Variants in PDZD2 observed in about 807,000 individuals in gnomAD.
The protein encoded by PDZD2 is PDZ domain containing 2, also known as PDZ domain-containing protein 2.
In PDZD2, 90 loss-of-function variants were observed where a neutral mutation model predicts 220.7. The observed-to-expected ratio is 0.41, with a 90% CI of 0.34 to 0.49. The LOEUF is 0.49. Among genes scored for constraint, PDZD2 ranks in the 20% least tolerant of loss-of-function variants. The pLI, the probability that PDZD2 is intolerant of heterozygous loss-of-function variation, is 0.28. For missense variants in PDZD2, 3,174 were observed against 3,608.5 expected (o/e 0.88, Z 3.08); for synonymous variants, 1,375 against 1,450.5 (o/e 0.95, Z 1.18).
intron 2 of PDZD2, among the ~76,000 whole-genome samples, chr5:31,816,953 G>A (rs950362864): frequency 2.0e-5 from 3 of 152,152 alleles, no homozygotes; most frequent in African/African-American, 7.2e-5. Flanking sequence ...GGAGGCCGAG[G>A]CAGACGGATC....
At chr5:31,770,520 G>T (rs1446768935) in intron 1 of PDZD2, among the ~76,000 whole-genome samples, 3 of 152,278 alleles carry the variant, frequency 2.0e-5, no homozygotes, top group African/African-American at 7.2e-5. Flanking sequence ...CAGTTCATTG[G>T]CTGCCATTGG....
intron 1 of PDZD2, among the ~76,000 whole-genome samples, chr5:31,708,801 A>G (rs1426517084): frequency 1.3e-5 from 2 of 152,002 alleles, no homozygotes; most frequent in Non-Finnish European, 2.9e-5. Flanking sequence ...CTGATAACCC[A>G]TTAAGGGAAG....
intron 2 of PDZD2, among the ~76,000 whole-genome samples, chr5:31,872,550 C>T (rs1465723918): frequency 6.6e-6 from 1 of 152,126 alleles, no homozygotes; most frequent in African/African-American, 2.4e-5. Flanking sequence ...TATGTTTAGA[C>T]CCACTGTGTC....
At chr5:32,096,408 G>A (rs987116888) in intron 21 of PDZD2, among the ~76,000 whole-genome samples, 11 of 151,806 alleles carry the variant, frequency 7.2e-5, no homozygotes, top group African/African-American at 2.2e-4. Context: ...ACCTCTGCCC[G>A]CTGGGTTCAA....
At chr5:31,794,654 G>T (rs6866048) in intron 1 of PDZD2, among the ~76,000 whole-genome samples, 1 of 151,992 alleles carries the variant, frequency 6.6e-6, no homozygotes, top group Non-Finnish European at 1.5e-5. Context: ...TGATCTGCCC[G>T]CCTGGGCCTC....
chr5:32,054,470 C>T (rs917872450), intron 10 of PDZD2, among the ~76,000 whole-genome samples: 28 of 151,582 alleles, frequency 1.8e-4, no homozygotes, highest in African/African-American at 6.5e-4. Context: ...ACTATAGGTG[C>T]ACACCGTCAT....
At chr5:31,714,952 G>A (rs1468263401) in intron 1 of PDZD2, among the ~76,000 whole-genome samples, 2 of 151,748 alleles carry the variant, frequency 1.3e-5, no homozygotes, top group Non-Finnish European at 2.9e-5. Flanking sequence ...TCAGCTACTC[G>A]GGAGGCTGAG....
intron 6 of PDZD2, among the ~76,000 whole-genome samples, chr5:32,017,113 TC>T (rs1200919835): frequency 6.6e-6 from 1 of 152,158 alleles, no homozygotes; most frequent in Admixed American, 6.6e-5. Flanking sequence ...TTGGTCGCCT[TC>T]CACTGTCTTG....
chr5:31,910,325 T>C (rs1286940602), intron 2 of PDZD2, among the ~76,000 whole-genome samples: 1 of 149,298 alleles, frequency 6.7e-6, no homozygotes, highest in East Asian at 2.0e-4. Flanking sequence ...GTTCAAGCGA[T>C]TCTCATGACT....
chr5:31,960,967 C>T (rs1477770578), intron 2 of PDZD2, among the ~76,000 whole-genome samples: 1 of 151,884 alleles, frequency 6.6e-6, no homozygotes, highest in Non-Finnish European at 1.5e-5. Flanking sequence ...TGCTTTGTAC[C>T]AGCACTGAGC....
chr5:31,868,167 C>T (rs530032717), intron 2 of PDZD2, among the ~76,000 whole-genome samples: 24 of 152,214 alleles, frequency 1.6e-4, no homozygotes, highest in African/African-American at 5.3e-4. Context: ...AGCTGTTGGC[C>T]GGGCGCGGTG....
intron 1 of PDZD2, among the ~76,000 whole-genome samples, chr5:31,651,737 T>G (rs1745357717): frequency 6.6e-6 from 1 of 152,154 alleles, no homozygotes; most frequent in Non-Finnish European, 1.5e-5. Context: ...GCTCAAGTGA[T>G]TCTCCCACCT....
chr5:31,880,077 G>A (rs545251371), intron 2 of PDZD2, among the ~76,000 whole-genome samples: 105 of 151,550 alleles, frequency 6.9e-4, no homozygotes, highest in African/African-American at 2.4e-3. Context: ...CCACCACCAC[G>A]CCTGGCTACT....
chr5:31,822,828 G>T, intron 2 of PDZD2: 1 of 820,882 alleles, frequency 1.2e-6, no homozygotes. Context: ...CCTGGATAAT[G>T]ATGTTGATGG....
intron 1 of PDZD2, among the ~76,000 whole-genome samples, chr5:31,703,103 C>G (rs1418471324): frequency 1.3e-5 from 2 of 152,356 alleles, no homozygotes; most frequent in Non-Finnish European, 1.5e-5. Flanking sequence ...GCTTCATGCT[C>G]TCTGAATGGG....
At chr5:32,025,280 C>A (rs1581309713) in intron 6 of PDZD2, among the ~76,000 whole-genome samples, 1 of 152,112 alleles carries the variant, frequency 6.6e-6, no homozygotes, top group East Asian at 1.9e-4. Context: ...AATCCCAGCA[C>A]TTTGGGAGGC....
intron 2 of PDZD2, among the ~76,000 whole-genome samples, chr5:31,880,798 T>TCTTTTTG (rs55945817): frequency 2.0e-5 from 2 of 102,218 alleles, no homozygotes; most frequent in Non-Finnish European, 3.7e-5. Context: ...TTTCTTTTTT[T>TCTTTTTG]TTTTTTTTTT....
chr5:32,053,853 T>G lies in PDZD2; in HGVS notation c.1870T>G (p.Ser624Ala), dbSNP rs982635109. 1 of 1,609,832 alleles carries G rather than the reference T, an allele frequency of 6.2e-7. No homozygotes were observed. Among genetic ancestry groups the G allele is most frequent in the African/African-American group, 1.3e-5 (1 of 74,814 alleles). Reference protein sequence around the residue: ...IFVKTIFPNGSAAEDGRLKEG... With the variant: ...IFVKTIFPNGAAAEDGRLKEG... ...TGTCAAGACCATCTTCCCAAATGGATCAGCTGCAGAGGACGGAAGACTTAA... is the reference window on the plus strand; with the variant it reads ...TGTCAAGACCATCTTCCCAAATGGAGCAGCTGCAGAGGACGGAAGACTTAA... The change falls in exon 10 of 25, where the codon TCA becomes GCA. Residue 624 changes from serine to alanine, a missense_variant. Physicochemically the swap from Ser to Ala is moderately conservative, Grantham distance 99. Transcript: ENST00000438447.
intron 1 of PDZD2, among the ~76,000 whole-genome samples, chr5:31,701,529 G>A (rs16901440): frequency 0.02 from 3,041 of 152,242 alleles, 61 homozygotes; most frequent in South Asian, 0.074. Flanking sequence ...AATGGGAGAC[G>A]TCTAGCTATA....
Sources: allele counts gnomAD v4.1 joint callset (sites outside exome capture counted in the v4.1 genomes callset), GRCh38; gene constraint gnomAD v4.1.1; transcripts MANE v1.5; gene names NCBI Gene and HGNC (gene_info 2026-07-23, HGNC 2026-07-21).